Variants in WDR72 observed in about 807,000 individuals in gnomAD.
WDR72 encodes the protein WD repeat domain 72.
A neutral mutation model predicts 124.2 loss-of-function variants in WDR72; 120 were observed. The ratio of observed to expected loss-of-function variants is 0.97; its 90% CI spans 0.83 to 1.12. WDR72 has a LOEUF of 1.12. Among genes scored for constraint, WDR72 ranks in the 50% most tolerant of loss-of-function variants. WDR72 has a pLI of 0.00. For missense variants in WDR72, 1,387 were observed against 1,278.8 expected, an observed-to-expected ratio of 1.08 and a Z score of -1.29; for synonymous variants, 452 against 441.7, an observed-to-expected ratio of 1.02 and a Z score of -0.29.
At position 53,705,032 on chromosome 15, in the gene WDR72, T is replaced by C. The variant is rs1171397789; in HGVS notation, c.1304A>G (p.Asn435Ser). 6.2e-7 allele frequency: 1 copy of C among 1,614,030 alleles called. No homozygotes were observed. Among genetic ancestry groups the C allele is most frequent in the South Asian group, 1.1e-5 (1 of 91,076 alleles). Residue 435 changes from asparagine (N) to serine (S), a missense_variant, in exon 11 of 20, where the codon AAT (asparagine) becomes AGT (serine). Coordinates refer to ENST00000360509, the MANE Select transcript of WDR72 (RefSeq NM_182758.4). ...DGTIIITQALNAAKARLLEGG... is the reference protein window; with the variant it reads ...DGTIIITQALSAAKARLLEGG... ...TTCCAGAAGTCTTGCTTTGGCAGCA[T>C]TCAAAGCCTGGGTAATGATAATTGT...
At chr15:53,715,810 T>C (rs2017688729) in intron 4 of WDR72, among the ~76,000 whole-genome samples, 1 of 152,164 alleles carries the variant, frequency 6.6e-6, no homozygotes, top group African/African-American at 2.4e-5. Flanking sequence ...AGCAAGACCC[T>C]GTCTCTTAAA....
chr15:53,647,091 A>G (rs1421580568), intron 14 of WDR72, among the ~76,000 whole-genome samples: 2 of 152,088 alleles, frequency 1.3e-5, no homozygotes, highest in East Asian at 3.8e-4. Flanking sequence ...AATGTGAAAA[A>G]TCAGAATTAT....
In WDR72 at chr15:53,667,648, T is replaced by C. The variant is rs578121740; in HGVS notation, c.1766-1880A>G. 1.1e-4 allele frequency among the ~76,000 whole-genome samples: 16 copies of C among 152,300 alleles called. No homozygotes were observed. In the South Asian group the frequency reaches 3.1e-3, roughly 30 times the overall value. The stretch of plus-strand genomic sequence containing the variant: ...AACCGTGTTATGTGGTAAAATTCAC[T>C]GTCTTTCTGAGAAGTCTCTCTTTGA... On this transcript the variant is annotated intron_variant, in intron 13 of 19. Transcript: ENST00000360509.
At chr15:53,708,038 A>T (rs1316483455) in intron 9 of WDR72, among the ~76,000 whole-genome samples, 1 of 152,048 alleles carries the variant, frequency 6.6e-6, no homozygotes, top group Non-Finnish European at 1.5e-5. Context: ...TTCACCTTCC[A>T]CATTGCTGCT....
At chr15:53,759,026 C>T (rs1442325394) in intron 1 of WDR72, among the ~76,000 whole-genome samples, 1 of 151,960 alleles carries the variant, frequency 6.6e-6, no homozygotes, top group Non-Finnish European at 1.5e-5. Flanking sequence ...AGTCTTGTCC[C>T]CGCAGTCTTT....
chr15:53,715,753 A>C (rs1398277942), intron 4 of WDR72, among the ~76,000 whole-genome samples: 1 of 152,168 alleles, frequency 6.6e-6, no homozygotes, highest in African/African-American at 2.4e-5. Context: ...TGAGGCCAGG[A>C]ATTTGAGGTT....
chr15:53,538,590 T>C lies in WDR72; in HGVS notation c.3149-15268A>G, dbSNP rs1359490518. Among the ~76,000 whole-genome samples, 4 of 152,344 alleles carry C rather than the reference T, an allele frequency of 2.6e-5. No homozygotes were observed. The East Asian group carries it at 7.7e-4, about 29-fold the overall frequency. ...AAATAACATCAAAAAATTCTCTTTT[T>C]CTTGAACACCAGGTTAACATTGGGT... On this transcript the variant is annotated intron_variant, in intron 18 of 19. Coordinates refer to ENST00000360509, the MANE Select transcript of WDR72 (RefSeq NM_182758.4).
intron 1 of WDR72, among the ~76,000 whole-genome samples, chr15:53,740,161 T>C (rs2018468803): frequency 6.6e-6 from 1 of 152,150 alleles, no homozygotes; most frequent in African/African-American, 2.4e-5. Flanking sequence ...TGTATCTCCC[T>C]GAAAATTATC....
In WDR72 at chr15:53,515,556, A is replaced by G. The variant is rs144316291; in HGVS notation, c.*2143T>C. 5.9e-5 allele frequency: 9 copies of G among 152,314 alleles called. No individual in the cohort carries two copies. The highest frequency in any genetic ancestry group is 6.8e-3 in the Middle Eastern group (2 of 294). The allele number at this position is 152,314 out of a possible 1,614,324, so 9.4% of individuals were successfully genotyped here. On this transcript the variant is annotated 3_prime_UTR_variant, in exon 20 of 20. Transcript: ENST00000360509. ...TTAGGAATTAAAAGCTTTCATAGTT[A>G]ATGGTATGATATTGGCCTTCAGAAT...
rs942051744 is a variant in WDR72 at position 53,516,090 on chromosome 15, G to A, written c.*1609C>T. The stretch of plus-strand genomic sequence containing the variant: ...AACTTGTTTGAAGTGGCTTTTGACT[G>A]TTTCTAAAGGAGGGGGAATATATTT... On this transcript the variant is annotated 3_prime_UTR_variant, in exon 20 of 20. Coordinates refer to ENST00000360509, the MANE Select transcript of WDR72 (RefSeq NM_182758.4). The A allele has an allele frequency of 6.6e-6, 1 of 151,996 alleles. No individual in the cohort carries two copies. The highest frequency in any genetic ancestry group is 2.4e-5 in the African/African-American group (1 of 41,386). 9.4% of individuals were successfully genotyped at this position (151,996 alleles called of 1,614,324 possible).
intron 18 of WDR72, among the ~76,000 whole-genome samples, chr15:53,556,428 A>G (rs1474931382): frequency 6.6e-6 from 1 of 152,110 alleles, no homozygotes; most frequent in Non-Finnish European, 1.5e-5. Context: ...TGTTTCTAGC[A>G]GACTGCCTAT....
In WDR72 at chr15:53,733,075, G is replaced by C. The variant is rs754153922; in HGVS notation, c.75C>G (p.Ile25Met). The stretch of plus-strand genomic sequence containing the variant: ...TCACAATCGTTCGCTGGTCATCAGT[G>C]ATCATGATGGCAGTGATGCTGTGGG... ...APPHSITAIMITDDQRTIVTG... is the reference protein window; with the variant it reads ...APPHSITAIMMTDDQRTIVTG... Residue 25 changes from isoleucine (I) to methionine (M), a missense_variant, in exon 2 of 20, where the codon ATC (isoleucine) becomes ATG (methionine). By Grantham distance (10) the Ile-to-Met change is conservative. Transcript: ENST00000360509. 1 of 1,614,056 alleles carries C rather than the reference G, an allele frequency of 6.2e-7. No homozygotes were observed. Among genetic ancestry groups the C allele is most frequent in the South Asian group, 1.1e-5 (1 of 91,084 alleles).
chr15:53,688,909 C>T (rs1009422337), intron 13 of WDR72, among the ~76,000 whole-genome samples: 11 of 152,004 alleles, frequency 7.2e-5, no homozygotes, highest in South Asian at 2.1e-4. Context: ...GAAATAACGC[C>T]GCATATCTAC....
At chr15:53,744,325 TATAA>T (rs1191399515) in intron 1 of WDR72, among the ~76,000 whole-genome samples, 1 of 152,144 alleles carries the variant, frequency 6.6e-6, no homozygotes, top group Non-Finnish European at 1.5e-5. Context: ...TGTCTAGAAA[TATAA>T]ATAATTTAAA....
At chr15:53,723,788 G>A (rs1193439871) in intron 2 of WDR72, among the ~76,000 whole-genome samples, 1 of 152,290 alleles carries the variant, frequency 6.6e-6, no homozygotes, top group East Asian at 1.9e-4. Flanking sequence ...TAAATGCTAT[G>A]TAAATTGCTT....
At chr15:53,710,979 G>T in intron 8 of WDR72, 26 bp from the exon 9 acceptor site, 1 of 1,592,096 alleles carries the variant, frequency 6.3e-7, no homozygotes. Context: ...AAAAAGCAAA[G>T]TTTAGAACTT....
At chr15:53,707,884 T>A (rs2017427130) in intron 9 of WDR72, among the ~76,000 whole-genome samples, 1 of 152,208 alleles carries the variant, frequency 6.6e-6, no homozygotes, top group East Asian at 1.9e-4. Context: ...TAGAACTGAT[T>A]GTTCCAACTC....
rs1278406311 is a variant in WDR72, at chr15:53,554,416, G to A, written c.3149-31094C>T. Among the ~76,000 whole-genome samples, 3 of 152,014 alleles carry A rather than the reference G, an allele frequency of 2.0e-5. No individual in the cohort carries two copies. In the East Asian group the frequency reaches 5.8e-4, roughly 29 times the overall value. On this transcript the variant is annotated intron_variant, in intron 18 of 19. Coordinates refer to ENST00000360509, the MANE Select transcript of WDR72 (RefSeq NM_182758.4). ...TCCCATTATCTTCCCAAAATAGAAA[G>A]ACAAAATGGCAGCCAAAGCTGGTTC...
chr15:53,543,314 G>C lies in WDR72; in HGVS notation c.3149-19992C>G, dbSNP rs1246327542. Among the ~76,000 whole-genome samples the C allele has an allele frequency of 6.6e-5, 10 of 151,708 alleles. No individual in the cohort carries two copies. In the South Asian group the frequency reaches 1.7e-3, roughly 25 times the overall value. On this transcript the variant is annotated intron_variant, in intron 18 of 19. Transcript: ENST00000360509. ...ACTATCTCTCAGACCACAGTGCAAT[G>C]AAACTAGAACTCAGGATTAAGAATC...
Sources: gnomAD v4.1 joint callset for allele counts (sites outside exome capture counted in the v4.1 genomes callset) on GRCh38, gnomAD v4.1.1 for gene constraint, MANE v1.5 for transcripts, NCBI Gene and HGNC (gene_info 2026-07-23, HGNC 2026-07-21) for gene names.